Variants in FAM117B observed in about 807,000 individuals in gnomAD.
FAM117B encodes family with sequence similarity 117 member B.
A neutral mutation model predicts 52.8 loss-of-function variants in FAM117B; 22 were observed. The ratio of observed to expected loss-of-function variants is 0.42; its 90% CI spans 0.30 to 0.59. The LOEUF is 0.59. Among genes scored for constraint, FAM117B ranks in the 20% least tolerant of loss-of-function variants. FAM117B has a pLI of 0.22. For missense variants in FAM117B, 678 were observed against 802.6 expected, an observed-to-expected ratio of 0.84 and a Z score of 1.88; for synonymous variants, 309 against 324.1, an observed-to-expected ratio of 0.95 and a Z score of 0.50.
At chr2:202,686,085 C>T (rs1363807291) in intron 1 of FAM117B, among the ~76,000 whole-genome samples, 1 of 152,152 alleles carries the variant, frequency 6.6e-6, no homozygotes, top group African/African-American at 2.4e-5. Context: ...AGAAGACAAA[C>T]CTATCAGTTA....
chr2:202,762,148 T>C (rs1047443184), intron 7 of FAM117B, among the ~76,000 whole-genome samples: 20 of 152,326 alleles, frequency 1.3e-4, no homozygotes, highest in African/African-American at 4.3e-4. Flanking sequence ...TTGGTCCCAA[T>C]GTAACATTTT....
intron 5 of FAM117B, among the ~76,000 whole-genome samples, chr2:202,755,968 C>T (rs1481132982): frequency 6.6e-6 from 1 of 152,126 alleles, no homozygotes; most frequent in African/African-American, 2.4e-5. Flanking sequence ...TGCTGTAACT[C>T]CAGTTAACAA....
chr2:202,738,682 C>T (rs1339664083), intron 4 of FAM117B, among the ~76,000 whole-genome samples: 2 of 152,062 alleles, frequency 1.3e-5, no homozygotes, highest in Admixed American at 1.3e-4. Flanking sequence ...TAAGTTTAGT[C>T]CTGATTCTGT....
At position 202,757,380 on chromosome 2, in the gene FAM117B, A is replaced by C; in HGVS notation, c.1272A>C (p.Glu424Asp). The stretch of plus-strand genomic sequence containing the variant: ...CATCGTTCCTCACCATTTCCAATGA[A>C]GGTAGCGAGGAGAGTCCTTGCTCAG... ...SPTSFLTISN[E>D]GSEESPCSAD... The change falls in exon 6 of 8, where the codon GAA (glutamate) becomes GAC (aspartate). Residue 424 changes from glutamate (E) to aspartate (D), a missense_variant. This residue lies in a region of FAM117B where 583 missense variants were observed against 644.8 expected (regional missense o/e 0.90). Transcript: ENST00000392238. 1.2e-6 allele frequency: 2 copies of C among 1,614,102 alleles called. No individual in the cohort carries two copies. Among genetic ancestry groups the C allele is most frequent in the Non-Finnish European group, 1.7e-6 (2 of 1,180,032 alleles).
At chr2:202,665,711 C>T (rs1690194649) in intron 1 of FAM117B, among the ~76,000 whole-genome samples, 1 of 152,208 alleles carries the variant, frequency 6.6e-6, no homozygotes, top group Admixed American at 6.5e-5. Flanking sequence ...AGCAATTCTC[C>T]TGCCTCAGCC....
intron 1 of FAM117B, among the ~76,000 whole-genome samples, chr2:202,647,787 C>G (rs1009124429): frequency 1.3e-5 from 2 of 152,088 alleles, no homozygotes; most frequent in Non-Finnish European, 2.9e-5. Flanking sequence ...GTGTATTGTT[C>G]TAGTGAGTTT....
intron 7 of FAM117B, among the ~76,000 whole-genome samples, chr2:202,764,264 A>T (rs1397382312): frequency 4.0e-5 from 6 of 151,836 alleles, no homozygotes; most frequent in Non-Finnish European, 7.4e-5. Flanking sequence ...GAACTGATTT[A>T]GATTTTTTGT....
intron 1 of FAM117B, among the ~76,000 whole-genome samples, chr2:202,660,895 T>C (rs2105761114): frequency 6.6e-6 from 1 of 152,356 alleles, no homozygotes; most frequent in Middle Eastern, 3.4e-3. Context: ...TTGTGACCAG[T>C]ACTTGACTTG....
At chr2:202,731,989 C>G (rs1691359380) in intron 4 of FAM117B, among the ~76,000 whole-genome samples, 1 of 150,766 alleles carries the variant, frequency 6.6e-6, no homozygotes. Context: ...CCCGCCTCGG[C>G]CTCCCAAAGT....
chr2:202,750,656 T>C (rs1358903484), intron 4 of FAM117B, among the ~76,000 whole-genome samples: 1 of 152,216 alleles, frequency 6.6e-6, no homozygotes, highest in Admixed American at 6.5e-5. Flanking sequence ...AAGCATCTTA[T>C]ATGTTCTAGG....
At chr2:202,661,521 G>A (rs147816591) in intron 1 of FAM117B, among the ~76,000 whole-genome samples, 337 of 152,226 alleles carry the variant, frequency 2.2e-3, no homozygotes, top group Admixed American at 6.5e-3. Context: ...TTAATTATTT[G>A]TGGTCAGATA....
chr2:202,696,090 T>C, intron 2 of FAM117B, 58 bp downstream of exon 2: 1 of 1,560,966 alleles, frequency 6.4e-7, no homozygotes, highest in Non-Finnish European at 8.7e-7. Flanking sequence ...CTTCTTCTAA[T>C]ATTATTTGTT....
intron 1 of FAM117B, among the ~76,000 whole-genome samples, chr2:202,644,855 A>G (rs114633844): frequency 5.3e-5 from 8 of 152,286 alleles, no homozygotes; most frequent in African/African-American, 1.9e-4. Context: ...TGGAAGGGTT[A>G]CCACCATTCT....
At chr2:202,675,371 A>G (rs1334526312) in intron 1 of FAM117B, among the ~76,000 whole-genome samples, 1 of 146,534 alleles carries the variant, frequency 6.8e-6, no homozygotes. Context: ...ACTTGAGCCC[A>G]GGAGGCAGAG....
At chr2:202,635,933 GA>G (rs1325017413) in intron 1 of FAM117B, 145 bp downstream of exon 1, 3 of 810,182 alleles carry the variant, frequency 3.7e-6, no homozygotes, top group East Asian at 4.0e-5. Context: ...GGCGGTGGGG[GA>G]CCCGGCAGTG....
chr2:202,750,776 T>C (rs1407172510), intron 4 of FAM117B, among the ~76,000 whole-genome samples: 1 of 152,208 alleles, frequency 6.6e-6, no homozygotes. Context: ...TGTTCCCAGG[T>C]GTAGCTTGCT....
intron 1 of FAM117B, among the ~76,000 whole-genome samples, chr2:202,645,834 G>T (rs1399885121): frequency 1.3e-5 from 2 of 151,216 alleles, no homozygotes; most frequent in Admixed American, 1.3e-4. Context: ...TCGAACTCCT[G>T]ACCTCAGGTG....
chr2:202,664,619 A>G (rs1690174662), intron 1 of FAM117B, among the ~76,000 whole-genome samples: 1 of 152,232 alleles, frequency 6.6e-6, no homozygotes, highest in Admixed American at 6.5e-5. Flanking sequence ...AACAGGGCAA[A>G]GATTAAGAGT....
intron 2 of FAM117B, among the ~76,000 whole-genome samples, chr2:202,708,513 C>T (rs952381671): frequency 3.9e-5 from 6 of 152,106 alleles, no homozygotes; most frequent in African/African-American, 1.2e-4. Flanking sequence ...TTGTGAATAG[C>T]GCCGCAGTGA....
Sources: allele counts gnomAD v4.1 joint callset (sites outside exome capture counted in the v4.1 genomes callset), GRCh38; gene constraint gnomAD v4.1.1; regional missense constraint gnomAD v4.1.1; transcripts MANE v1.5; gene names NCBI Gene and HGNC (gene_info 2026-07-23, HGNC 2026-07-21).